The following SRSF12 variants were observed in gnomAD, a reference collection of about 807,000 sequenced individuals.
SRSF12 encodes the protein serine/arginine-rich splicing factor 12.
In SRSF12, 21 loss-of-function variants were observed where a neutral mutation model predicts 34.1. The observed-to-expected ratio is 0.62, with a 90% CI of 0.44 to 0.89. The LOEUF (loss-of-function observed/expected upper bound fraction) is 0.89, where lower values mean the gene tolerates loss of function less well. Ranked by LOEUF, SRSF12 falls within the 40% of genes least tolerant of loss-of-function variation. SRSF12 has a pLI of 0.00. For missense variants in SRSF12, 278 were observed against 327.8 expected (o/e 0.85, Z 1.17); for synonymous variants, 111 against 110.8 (o/e 1.00, Z -0.01).
rs1464827264 is a variant in SRSF12, at chr6:89,098,901, T to G, written c.463A>C (p.Lys155Gln). The G allele has an allele frequency of 6.2e-7, 1 of 1,613,976 alleles. No homozygotes were observed. Among genetic ancestry groups the G allele is most frequent in the South Asian group, 1.1e-5 (1 of 91,084 alleles). The change falls in exon 5 of 5, where the codon AAA becomes CAA. Residue 155 changes from lysine (K) to glutamine (Q), a missense_variant. Transcript: ENST00000452027. Reference protein sequence around the residue: ...FSYSQSKSRSKSLPRRSTSAR... With the variant: ...FSYSQSKSRSQSLPRRSTSAR... ...GAGGTAGACCGCCTTGGTAATGATT[T>G]GGAACGAGATTTAGACTGGCTATAA...
rs2127993428 is a variant in SRSF12 at position 89,107,162 on chromosome 6, A to C, written c.162T>G (p.Ala54=). The C allele has an allele frequency of 1.9e-6, 3 of 1,614,054 alleles. No individual in the cohort carries two copies. Among genetic ancestry groups the C allele is most frequent in the Non-Finnish European group, 2.5e-6 (3 of 1,179,896 alleles). The change falls in exon 2 of 5, where the codon GCT becomes GCG. Residue 54 remains alanine (A), a synonymous_variant. Transcript: ENST00000452027. ...AATAAAATAAAGGATATTGAACATAAGCAAATCCTCTTGGGCGGCGAGTGT... is the reference window on the plus strand; with the variant it reads ...AATAAAATAAAGGATATTGAACATACGCAAATCCTCTTGGGCGGCGAGTGT... The part of the protein sequence containing the change: ...DFYTRRPRGF[A]YVQFEDVRDA...
At chr6:89,116,785 AAAAAACT>A in intron 1 of SRSF12, among the ~76,000 whole-genome samples, 1 of 152,070 alleles carries the variant, frequency 6.6e-6, no homozygotes, top group South Asian at 2.1e-4. Context: ...AAAAAAAAAA[AAAAAACT>A]AAAAAATAAA....
chr6:89,113,666 T>TGA (rs1480535156), intron 1 of SRSF12, among the ~76,000 whole-genome samples: 1 of 152,118 alleles, frequency 6.6e-6, no homozygotes, highest in African/African-American at 2.4e-5. Context: ...TATTTATTTT[T>TGA]GAGACAGAGT....
At chr6:89,115,774 C>CT (rs1255441156) in intron 1 of SRSF12, among the ~76,000 whole-genome samples, 4 of 149,728 alleles carry the variant, frequency 2.7e-5, no homozygotes, top group African/African-American at 9.9e-5. Flanking sequence ...GCAGCTGGGA[C>CT]TACAGGCACC....
chr6:89,116,439 C>A (rs1387679552), intron 1 of SRSF12, among the ~76,000 whole-genome samples: 1 of 152,122 alleles, frequency 6.6e-6, no homozygotes, highest in African/African-American at 2.4e-5. Context: ...GATATATTAA[C>A]CACAACATAT....
At chr6:89,109,670 C>T (rs1222791464) in intron 1 of SRSF12, among the ~76,000 whole-genome samples, 1 of 152,200 alleles carries the variant, frequency 6.6e-6, no homozygotes, top group Admixed American at 6.5e-5. Context: ...TCAAAAGAGC[C>T]AATTCCCATT....
rs984439960 is a variant in SRSF12, at chr6:89,096,346, T to C, written c.*2232A>G. On this transcript the variant is annotated 3_prime_UTR_variant, in exon 5 of 5. Transcript: ENST00000452027. The stretch of plus-strand genomic sequence containing the variant: ...GCATCTGTTTCCTTGTCTGTAGTGG[T>C]ACTAGGTTGGCGCAAAAGTAATTGC... 1 of 152,218 alleles carries C rather than the reference T, an allele frequency of 6.6e-6. No homozygotes were observed. The highest frequency in any genetic ancestry group is 1.5e-5 in the Non-Finnish European group (1 of 68,046). The allele number at this position is 152,218 out of a possible 1,614,324, so 9.4% of individuals were successfully genotyped here.
Position 89,110,993 on chromosome 6 carries a change from T to A in SRSF12, c.66-3735A>T, listed in dbSNP as rs112532698. Reference sequence around the variant, plus strand: ...AATTAGCTGGGCGTGGTGTCTATAATCCCAGCTACTTAGGAGGCTGAGGAA... The same window carrying A: ...AATTAGCTGGGCGTGGTGTCTATAAACCCAGCTACTTAGGAGGCTGAGGAA... On this transcript the variant is annotated intron_variant, in intron 1 of 4. Transcript: ENST00000452027. Among the ~76,000 whole-genome samples, 616 of 152,126 alleles carry A rather than the reference T, an allele frequency of 4.0e-3. 5 individuals are homozygous for A. The highest frequency in any genetic ancestry group is 4.1e-3 in the Non-Finnish European group (282 of 67,978).
At chr6:89,111,967 C>A (rs927314532) in intron 1 of SRSF12, among the ~76,000 whole-genome samples, 8 of 152,186 alleles carry the variant, frequency 5.3e-5, no homozygotes, top group Non-Finnish European at 1.2e-4. Context: ...TTTTCCTAAG[C>A]TACATCTTGT....
chr6:89,116,947 A>C (rs1769328687), intron 1 of SRSF12, among the ~76,000 whole-genome samples: 1 of 152,090 alleles, frequency 6.6e-6, no homozygotes, highest in African/African-American at 2.4e-5. Flanking sequence ...CCTTATGTAC[A>C]ATAAAACAGT....
At chr6:89,110,756 C>T (rs1769008839) in intron 1 of SRSF12, among the ~76,000 whole-genome samples, 1 of 152,004 alleles carries the variant, frequency 6.6e-6, no homozygotes, top group African/African-American at 2.4e-5. Flanking sequence ...GTATGCCTAC[C>T]TTAGCTTCAC....
In SRSF12 at chr6:89,117,972, C is replaced by T. The variant is rs1198636952; in HGVS notation, c.-85G>A. The T allele has an allele frequency of 4.9e-6, 7 of 1,415,716 alleles. No homozygotes were observed. The Admixed American group carries it at 1.7e-4, about 35-fold the overall frequency. 87.7% of individuals were successfully genotyped at this position (1,415,716 alleles called of 1,614,324 possible). A position where few individuals can be genotyped will look rare whatever the true frequency, so the allele number is the denominator to read the frequency against. ...GCTACCGCTGCTACCACCACAGGAG[C>T]TCCGCCGGCCCCCGGCGCGACCCCC... On this transcript the variant is annotated 5_prime_UTR_variant, in exon 1 of 5. Coordinates refer to ENST00000452027, the MANE Select transcript of SRSF12 (RefSeq NM_080743.5).
chr6:89,117,873 C>A lies in SRSF12; in HGVS notation c.15G>T (p.Thr5=), dbSNP rs561183667. 6 of 1,562,562 alleles carry A rather than the reference C, an allele frequency of 3.8e-6. No homozygotes were observed. In the African/African-American group the frequency reaches 7.1e-5, roughly 18 times the overall value. The part of the protein sequence containing the change: MSRY[T]RPPNTSLFIR... ...TGAACAGGGAGGTGTTGGGGGGCCT[C>A]GTGTAGCGAGACATGACCGCTTCCT... Residue 5 remains threonine, a synonymous_variant, in exon 1 of 5, where the codon ACG becomes ACT. Transcript: ENST00000452027.
chr6:89,115,207 C>T lies in SRSF12; in HGVS notation c.65+2616G>A, dbSNP rs187390319. Among the ~76,000 whole-genome samples the T allele has an allele frequency of 2.8e-3, 432 of 152,232 alleles. 1 individual carries two copies. The highest frequency in any genetic ancestry group is 2.9e-3 in the Non-Finnish European group (194 of 68,006). On this transcript the variant is annotated intron_variant, in intron 1 of 4. Coordinates refer to ENST00000452027, the MANE Select transcript of SRSF12 (RefSeq NM_080743.5). ...TGACCTCCCGGGCTCAAGTGACCTC[C>T]CGGGCTCCCACCTCAGCTTTCCCAG...
chr6:89,112,296 T>G (rs1769088951), intron 1 of SRSF12, among the ~76,000 whole-genome samples: 1 of 152,222 alleles, frequency 6.6e-6, no homozygotes, highest in African/African-American at 2.4e-5. Flanking sequence ...ACAAAGCCTT[T>G]TAGTGTCTTC....
At position 89,098,581 on chromosome 6, in the gene SRSF12, C is replaced by T; in HGVS notation, c.783G>A (p.Trp261Ter). ...RSRSYRHKNS[W>*] ...GTGGTGCTCTTTCTGTTGCTGTTCA[C>T]CAACTGTTTTTATGACGATAACTTC... The change falls in exon 5 of 5, where the codon TGG (tryptophan) becomes TGA (stop). Residue 261 changes from tryptophan to a stop codon, truncating the protein, a stop_gained. Transcript: ENST00000452027. LOFTEE classifies it high-confidence loss of function. The T allele has an allele frequency of 1.2e-6, 2 of 1,607,268 alleles. No individual in the cohort carries two copies. Among genetic ancestry groups the T allele is most frequent in the Non-Finnish European group, 1.7e-6 (2 of 1,175,024 alleles).
At position 89,096,102 on chromosome 6, in the gene SRSF12, C is replaced by T. The variant is rs1768279579; in HGVS notation, c.*2476G>A. The T allele has an allele frequency of 6.6e-6, 1 of 152,186 alleles. No homozygotes were observed. Among genetic ancestry groups the T allele is most frequent in the Non-Finnish European group, 1.5e-5 (1 of 68,034 alleles). The allele number at this position is 152,186 out of a possible 1,614,324, so 9.4% of individuals were successfully genotyped here. A position where few individuals can be genotyped will look rare whatever the true frequency, so the allele number is the denominator to read the frequency against. ...GGATACCCAGCCAAACAATTTTCAC[C>T]TAGTCACAAAAGTCATTTTCATCGA... On this transcript the variant is annotated 3_prime_UTR_variant, in exon 5 of 5. Transcript: ENST00000452027.
intron 1 of SRSF12, among the ~76,000 whole-genome samples, chr6:89,113,584 T>C (rs893686319): frequency 6.6e-6 from 1 of 152,160 alleles, no homozygotes; most frequent in Admixed American, 6.5e-5. Context: ...GCTGGGATTA[T>C]AGATGTGAGC....
In SRSF12 at chr6:89,098,360, A is replaced by T. The variant is rs1768352365; in HGVS notation, c.*218T>A. ...ACAATGTAAATAAAAAATGGTCCAT[A>T]AAATGGTGACATTAGACAAATCATA... On this transcript the variant is annotated 3_prime_UTR_variant, in exon 5 of 5. Coordinates refer to ENST00000452027, the MANE Select transcript of SRSF12 (RefSeq NM_080743.5). 2.2e-6 allele frequency: 1 copy of T among 451,398 alleles called. No homozygotes were observed. The highest frequency in any genetic ancestry group is 3.7e-6 in the Non-Finnish European group (1 of 270,214). The allele number at this position is 451,398 out of a possible 1,614,324, so 28.0% of individuals were successfully genotyped here.
Sources: allele counts gnomAD v4.1 joint callset (sites outside exome capture counted in the v4.1 genomes callset), GRCh38; gene constraint gnomAD v4.1.1; transcripts MANE v1.5; gene names NCBI Gene and HGNC (gene_info 2026-07-23, HGNC 2026-07-21).